The following DCST1 variants were observed in gnomAD, a reference collection of about 807,000 sequenced individuals.
DCST1 encodes E3 ubiquitin-protein ligase DCST1.
Under a neutral mutation model 89.1 loss-of-function variants are expected in DCST1, and 78 were observed. That is an observed-to-expected ratio of 0.88 (90% CI 0.73 to 1.06). The LOEUF (loss-of-function observed/expected upper bound fraction) is 1.06. DCST1 is among the 50% of genes least tolerant of loss of function. The probability of loss-of-function intolerance (pLI) is 0.00; values close to 1 mark genes in which losing one functional copy is unlikely to be tolerated. For synonymous variants in DCST1, 364 were observed against 371.9 expected, an observed-to-expected ratio of 0.98 and a Z score of 0.24; for missense variants, 900 against 928.6, an observed-to-expected ratio of 0.97 and a Z score of 0.40.
intron 16 of DCST1, among the ~76,000 whole-genome samples, chr1:155,050,226 C>G (rs935488263): frequency 6.6e-6 from 1 of 152,186 alleles, no homozygotes; most frequent in Non-Finnish European, 1.5e-5. Context: ...TGGGGTCCAG[C>G]CAAGTTGGAT....
chr1:155,042,743 G>A lies in DCST1; in HGVS notation c.901G>A (p.Val301Ile), dbSNP rs1425029548. The change falls in exon 9 of 17, where the codon GTT becomes ATT. Residue 301 changes from valine to isoleucine, a missense_variant. By Grantham distance (29) the Val-to-Ile change is conservative. Coordinates refer to ENST00000295542, the MANE Select transcript of DCST1 (RefSeq NM_152494.4). ...CGTCCACTGTTCACCAGTGATGGAG[G>A]TTTGGTGCCGCAATCGCATCCCAGT... ...FFCGIAKVME[V>I]WCRNRIPVEG... The A allele has an allele frequency of 4.3e-6, 7 of 1,614,212 alleles. No individual in the cohort carries two copies. Among genetic ancestry groups the A allele is most frequent in the Non-Finnish European group, 5.9e-6 (7 of 1,180,046 alleles).
chr1:155,048,069 C>A lies in DCST1; in HGVS notation c.1768C>A (p.Arg590=), dbSNP rs753325475. 1.2e-6 allele frequency: 2 copies of A among 1,613,950 alleles called. No individual in the cohort carries two copies. The highest frequency in any genetic ancestry group is 1.1e-5 in the South Asian group (1 of 91,050). ...AFYFPKREKK[R]ILFLYNDLLK... ...TTCCTGCCCCCAGCGAGAGAAGAAG[C>A]GGATCCTGTTCCTCTACAATGACCT... The change falls in exon 16 of 17, where the codon CGG becomes AGG. Residue 590 remains arginine (R), a synonymous_variant. Coordinates refer to ENST00000295542, the MANE Select transcript of DCST1 (RefSeq NM_152494.4).
In DCST1 at chr1:155,050,614, C is replaced by G; in HGVS notation, c.1870-3C>G. On this transcript the variant is annotated splice_region_variant and splice_polypyrimidine_tract_variant and intron_variant, in intron 16 of 16. Coordinates refer to ENST00000295542, the MANE Select transcript of DCST1 (RefSeq NM_152494.4). ...GCTGGCGCTAACGCCCACCTCCCAA[C>G]AGCGCCACCCGCTGGCGGATATCCT... is the stretch of plus-strand genomic sequence containing the variant. 3.2e-6 allele frequency: 5 copies of G among 1,576,054 alleles called. No homozygotes were observed. The highest frequency in any genetic ancestry group is 4.3e-6 in the Non-Finnish European group (5 of 1,164,244).
intron 5 of DCST1, 116 bp from the exon 6 acceptor site, chr1:155,040,369 C>A (rs943408432): frequency 1.8e-6 from 2 of 1,110,392 alleles, no homozygotes; most frequent in African/African-American, 1.6e-5. Flanking sequence ...CATAGGCTCT[C>A]GGCCCCACCA....
intron 10 of DCST1, among the ~76,000 whole-genome samples, chr1:155,043,722 C>T (rs923935280): frequency 3.3e-5 from 5 of 152,156 alleles, no homozygotes; most frequent in Non-Finnish European, 7.3e-5. Flanking sequence ...AAAGGCCAAC[C>T]GTCTTCATTC....
At chr1:155,045,690 G>T in intron 10 of DCST1, 1 of 590,290 alleles carries the variant, frequency 1.7e-6, no homozygotes, top group Non-Finnish European at 3.0e-6. Context: ...CATGTAGGGG[G>T]ATGTCTTCCT....
At chr1:155,046,601 T>TTTTTC in intron 13 of DCST1, 115 bp downstream of exon 13, 1 of 712,438 alleles carries the variant, frequency 1.4e-6, no homozygotes, top group East Asian at 3.3e-5. Context: ...CTTCTGCCTC[T>TTTTTC]TTTTTTTTTT....
intron 2 of DCST1, 30 bp downstream of exon 2, chr1:155,034,127 C>G: frequency 6.2e-7 from 1 of 1,613,190 alleles, no homozygotes; most frequent in Non-Finnish European, 8.5e-7. Context: ...CCCAGTATCC[C>G]TTGACCTCCA....
intron 4 of DCST1, among the ~76,000 whole-genome samples, chr1:155,037,194 C>T (rs574124455): frequency 8.5e-5 from 13 of 152,246 alleles, no homozygotes; most frequent in African/African-American, 3.1e-4. Flanking sequence ...CTCCCAGGAG[C>T]TCTCCCTCCA....
intron 16 of DCST1, among the ~76,000 whole-genome samples, chr1:155,050,239 T>C (rs1213678076): frequency 2.0e-5 from 3 of 152,348 alleles, no homozygotes; most frequent in Middle Eastern, 3.4e-3. Flanking sequence ...AGTTGGATTG[T>C]TTACTATCTG....
chr1:155,046,600 C>CTTTTTTTA, intron 13 of DCST1, 114 bp downstream of exon 13: 1 of 532,372 alleles, frequency 1.9e-6, no homozygotes, highest in Non-Finnish European at 2.6e-6. Flanking sequence ...CCTTCTGCCT[C>CTTTTTTTA]TTTTTTTTTT....
At chr1:155,047,123 G>C (rs925101583) in intron 13 of DCST1, 73 bp from the exon 14 acceptor site, 6 of 1,223,316 alleles carry the variant, frequency 4.9e-6, no homozygotes, top group African/African-American at 3.0e-5. Context: ...ACCCCTCCCT[G>C]ACATCCACCC....
chr1:155,046,213 G>T lies in DCST1; in HGVS notation c.1361G>T (p.Ser454Ile), dbSNP rs1193520469. ...CCCACCATCCAGGCCTCAGAAATGAGCAATGTGGTGAGGACAGCATGGGGA... is the reference window on the plus strand; with the variant it reads ...CCCACCATCCAGGCCTCAGAAATGATCAATGTGGTGAGGACAGCATGGGGA... The part of the protein sequence containing the change: ...CKPTIQASEM[S>I]NVVRELLETL... Residue 454 changes from serine (S) to isoleucine (I), a missense_variant, in exon 12 of 17, where the codon AGC becomes ATC. Coordinates refer to ENST00000295542, the MANE Select transcript of DCST1 (RefSeq NM_152494.4). 6.2e-7 allele frequency: 1 copy of T among 1,614,104 alleles called. No homozygotes were observed. The highest frequency in any genetic ancestry group is 1.3e-5 in the African/African-American group (1 of 74,936).
chr1:155,040,211 G>A (rs1431143949), intron 5 of DCST1, among the ~76,000 whole-genome samples: 1 of 149,294 alleles, frequency 6.7e-6, no homozygotes, highest in East Asian at 2.0e-4. Flanking sequence ...GCTGAGGCAG[G>A]AGAATCGCTT....
intron 13 of DCST1, 112 bp downstream of exon 13, chr1:155,046,598 C>CACTT: frequency 4.6e-5 from 19 of 415,748 alleles, no homozygotes; most frequent in East Asian, 1.4e-4. Flanking sequence ...GTCCTTCTGC[C>CACTT]TCTTTTTTTT....
At chr1:155,041,286 G>C (rs570919049) in intron 6 of DCST1, 111 bp from the exon 7 acceptor site, 10 of 1,108,710 alleles carry the variant, frequency 9.0e-6, no homozygotes, top group African/African-American at 1.6e-5. Context: ...GCTCCCTGTC[G>C]GCCTGGGGTG....
rs186629714 is a variant in DCST1 at position 155,041,538 on chromosome 1, C to T, written c.673C>T (p.Arg225Cys). The T allele has an allele frequency of 5.5e-5, 88 of 1,614,028 alleles. No homozygotes were observed. In the Admixed American group the frequency reaches 8.5e-4, roughly 16 times the overall value. The change falls in exon 7 of 17, where the codon CGC becomes TGC. Residue 225 changes from arginine to cysteine, a missense_variant. Physicochemically the swap from Arg to Cys is radical, Grantham distance 180. Transcript: ENST00000295542. ...SGETAQGREA[R>C]QAPASRLHLS... is the part of the protein sequence containing the mutation. ...GGAGACAGCCCAGGGCAGGGAGGCCCGCCAAGCCCCAGCCTCCAGACTCCA... is the reference window on the plus strand; with the variant it reads ...GGAGACAGCCCAGGGCAGGGAGGCCTGCCAAGCCCCAGCCTCCAGACTCCA...
chr1:155,036,678 T>A (rs1660285379), intron 4 of DCST1, among the ~76,000 whole-genome samples: 1 of 152,272 alleles, frequency 6.6e-6, no homozygotes, highest in Non-Finnish European at 1.5e-5. Flanking sequence ...GCTATTATAA[T>A]TCCACTGTGG....
chr1:155,046,412 G>C lies in DCST1; in HGVS notation c.1421G>C (p.Cys474Ser). ...LPILLLLVVL[C>S]GLDWALYSIF... ...ATTCTGCTGCTGCTGGTGGTGCTGT[G>C]TGGCTTGGACTGGGCTCTCTACTCC... The change falls in exon 13 of 17, where the codon TGT becomes TCT. Residue 474 changes from cysteine to serine, a missense_variant. Cys to Ser is a moderately radical substitution (Grantham distance 112). Transcript: ENST00000295542. 1.9e-6 allele frequency: 3 copies of C among 1,614,006 alleles called. No homozygotes were observed. Among genetic ancestry groups the C allele is most frequent in the Non-Finnish European group, 2.5e-6 (3 of 1,179,998 alleles).
Sources: gnomAD v4.1 joint callset for allele counts (sites outside exome capture counted in the v4.1 genomes callset) on GRCh38, gnomAD v4.1.1 for gene constraint, MANE v1.5 for transcripts, NCBI Gene and HGNC (gene_info 2026-07-23, HGNC 2026-07-21) for gene names.